Variants in FLOT2 observed in about 807,000 individuals in gnomAD.
The protein encoded by FLOT2 is flotillin 2, also known as flotillin-2.
In FLOT2, 35 loss-of-function variants were observed where a neutral mutation model predicts 54.9. The ratio of observed to expected loss-of-function variants is 0.64; its 90% CI spans 0.49 to 0.84. FLOT2 has a LOEUF of 0.84. Among genes scored for constraint, FLOT2 ranks in the 40% least tolerant of loss-of-function variants. The pLI is 0.00. For synonymous variants in FLOT2, 207 were observed against 228.9 expected (o/e 0.90, Z 0.86); for missense variants, 464 against 572.1 (o/e 0.81, Z 1.93).
chr17:28,897,176 CGTTCCCGGAACCACCA>C lies in FLOT2; in HGVS notation c.49+334_49+349del, dbSNP rs1384281478. ...GCGCTGGAATCCAGCCAAACCTCTGCGTTCCCGGAACCACCAGTTCCCTCCCTCCTGGAACCCCGCG... is the reference window on the plus strand; with the variant it reads ...GCGCTGGAATCCAGCCAAACCTCTGCGTTCCCTCCCTCCTGGAACCCCGCG... On this transcript the variant is annotated intron_variant, in intron 1 of 10. Coordinates refer to ENST00000394908, the MANE Select transcript of FLOT2 (RefSeq NM_004475.3). The surrounding 1 kb of genome is among the most constrained non-coding windows in gnomAD (Gnocchi z 4.4). 6.6e-6 allele frequency among the ~76,000 whole-genome samples: 1 copy of C among 152,258 alleles called. No individual in the cohort carries two copies. Among genetic ancestry groups the C allele is most frequent in the East Asian group, 1.9e-4 (1 of 5,190 alleles).
chr17:28,880,353 G>A lies in FLOT2; in HGVS notation c.*208C>T, dbSNP rs1172077903. 2 of 1,413,688 alleles carry A rather than the reference G, an allele frequency of 1.4e-6. No individual in the cohort carries two copies. The highest frequency in any genetic ancestry group is 1.8e-6 in the Non-Finnish European group (2 of 1,085,496). 87.6% of individuals were successfully genotyped at this position (1,413,688 alleles called of 1,614,324 possible). On this transcript the variant is annotated 3_prime_UTR_variant, in exon 11 of 11. Transcript: ENST00000394908. ...AGACACAAACCTGATGAAAGTGGCA[G>A]TGAAAGTGGGGTAAAGGAGAGGAAG...
chr17:28,887,347 C>T (rs925867970), intron 2 of FLOT2, among the ~76,000 whole-genome samples: 5 of 152,160 alleles, frequency 3.3e-5, no homozygotes, highest in African/African-American at 9.7e-5. Context: ...AGGCGTCCCC[C>T]AAGCAGGCTA....
At chr17:28,887,031 G>A (rs1567933393) in intron 2 of FLOT2, among the ~76,000 whole-genome samples, 3 of 151,994 alleles carry the variant, frequency 2.0e-5, no homozygotes, top group African/African-American at 7.3e-5. Context: ...AGGGAGGGAG[G>A]AAGGGTAGTG....
At chr17:28,894,064 A>T (rs1299406266) in intron 1 of FLOT2, among the ~76,000 whole-genome samples, 2 of 152,304 alleles carry the variant, frequency 1.3e-5, no homozygotes, top group East Asian at 3.9e-4. Context: ...GTCCTGTTAC[A>T]TCACTATGTT....
chr17:28,895,552 C>T (rs1422978773), intron 1 of FLOT2, among the ~76,000 whole-genome samples: 3 of 152,050 alleles, frequency 2.0e-5, no homozygotes, highest in Non-Finnish European at 4.4e-5. Context: ...CATGAGCCAC[C>T]GTGCCCGGCC....
rs1327304097 is a variant in FLOT2 at position 28,883,234 on chromosome 17, G to A, written c.223-3C>T. 2 of 1,613,942 alleles carry A rather than the reference G, an allele frequency of 1.2e-6. No individual in the cohort carries two copies. Among genetic ancestry groups the A allele is most frequent in the African/African-American group, 1.3e-5 (1 of 74,910 alleles). On this transcript the variant is annotated splice_region_variant and splice_polypyrimidine_tract_variant and intron_variant, in intron 3 of 10. Transcript: ENST00000394908. This position sits in a 1 kb window ranked among gnomAD's most constrained non-coding sequence, Gnocchi z 5.0. ...TCCTTCTCCGTCATGATCTTCACCT[G>A]TCAGTGACGACAAAGGCGCTTCAGC...
At chr17:28,885,648 T>C in intron 2 of FLOT2, 1 of 717,502 alleles carries the variant, frequency 1.4e-6, no homozygotes, top group East Asian at 2.7e-5. Context: ...TCCCTTGCTG[T>C]TTCCCCACTT....
intron 2 of FLOT2, chr17:28,885,782 G>T: frequency 1.0e-6 from 1 of 956,466 alleles, no homozygotes; most frequent in Non-Finnish European, 1.7e-6. Flanking sequence ...GAGTCCATCG[G>T]CTCCTGTCTG....
At chr17:28,891,302 C>T (rs1355097130) in intron 1 of FLOT2, among the ~76,000 whole-genome samples, 1 of 152,180 alleles carries the variant, frequency 6.6e-6, no homozygotes, top group Non-Finnish European at 1.5e-5. Context: ...GGGTTAGTGT[C>T]TCTGAGGACT....
At chr17:28,885,987 A>G in intron 2 of FLOT2, 1 of 1,304,796 alleles carries the variant, frequency 7.7e-7, no homozygotes, top group Non-Finnish European at 1.1e-6. Context: ...TAGGGACAGG[A>G]AGGGAAGGAG....
intron 9 of FLOT2, 69 bp from the exon 10 acceptor site, chr17:28,880,931 T>C: frequency 6.4e-7 from 1 of 1,556,716 alleles, no homozygotes. Flanking sequence ...CCAGCATCTC[T>C]CCCTCCCTTC....
In FLOT2 at chr17:28,897,633, C is replaced by T. The variant is rs554969307; in HGVS notation, c.-59G>A. The stretch of plus-strand genomic sequence containing the variant: ...ACAGACCCGGACAACAGCAGCGGGT[C>T]TGCAGCGCCGGCCGCGCCCAGCCTA... On this transcript the variant is annotated 5_prime_UTR_variant, in exon 1 of 11. Transcript: ENST00000394908. This position sits in a 1 kb window ranked among gnomAD's most constrained non-coding sequence, Gnocchi z 4.4. 21 of 1,401,244 alleles carry T rather than the reference C, an allele frequency of 1.5e-5. No individual in the cohort carries two copies. The South Asian group carries it at 3.1e-4, about 21-fold the overall frequency. 86.8% of individuals were successfully genotyped at this position (1,401,244 alleles called of 1,614,324 possible).
At chr17:28,895,873 G>A (rs1481589138) in intron 1 of FLOT2, among the ~76,000 whole-genome samples, 2 of 152,188 alleles carry the variant, frequency 1.3e-5, no homozygotes, top group Non-Finnish European at 1.5e-5. Context: ...TCCTCCTTCT[G>A]AAACTGGGCT....
rs2039434956 is a variant in FLOT2, at chr17:28,880,833, G to A, written c.1128C>T (p.Thr376=). Residue 376 remains threonine (T), a synonymous_variant, in exon 10 of 11, where the codon ACC becomes ACT. Transcript: ENST00000394908. The part of the protein sequence containing the change: ...QIAAKIAAPL[T]KVDEIVVLSG... ...TGAGGACCACAATCTCATCGACCTT[G>A]GTAAGTGGGGCAGCGATTTTGGCAG... 6.2e-7 allele frequency: 1 copy of A among 1,614,134 alleles called. No homozygotes were observed.
Position 28,897,533 on chromosome 17 carries a change from C to T in FLOT2, c.42G>A (p.Val14=). 1 of 1,606,576 alleles carries T rather than the reference C, an allele frequency of 6.2e-7. No homozygotes were observed. The highest frequency in any genetic ancestry group is 8.5e-7 in the Non-Finnish European group (1 of 1,176,816). Residue 14 remains valine (V), a synonymous_variant, in exon 1 of 11, where the codon GTG becomes GTA. Transcript: ENST00000394908. This position sits in a 1 kb window ranked among gnomAD's most constrained non-coding sequence, Gnocchi z 4.4. ...TCCTCGCCGCCCCCTCACCTGAAAC[C>T]ACCAGCGCCTCGTTGGGCCCCACCG... ...CHTVGPNEAL[V]VSGGCCGSDY...
intron 2 of FLOT2, among the ~76,000 whole-genome samples, chr17:28,886,629 C>T (rs2039551367): frequency 6.6e-6 from 1 of 152,166 alleles, no homozygotes; most frequent in Non-Finnish European, 1.5e-5. Context: ...AAACAAGGTG[C>T]CTCGAAGCTC....
rs558099086 is a variant in FLOT2 at position 28,881,524 on chromosome 17, G to C, written c.915-149C>G. On this transcript the variant is annotated intron_variant, in intron 8 of 10. Coordinates refer to ENST00000394908, the MANE Select transcript of FLOT2 (RefSeq NM_004475.3). ...CGGAGTGGGGTGGCCTGACCTTCCG[G>C]CTCTGGCCAGGGAAAGGCCACCGGC... is the stretch of plus-strand genomic sequence containing the variant. 4 of 853,538 alleles carry C rather than the reference G, an allele frequency of 4.7e-6. No individual in the cohort carries two copies. The South Asian group carries it at 6.8e-5, about 14-fold the overall frequency. The allele number at this position is 853,538 out of a possible 1,614,324, so 52.9% of individuals were successfully genotyped here. A position where few individuals can be genotyped will look rare whatever the true frequency, so the allele number is the denominator to read the frequency against.
chr17:28,882,843 G>T lies in FLOT2; in HGVS notation c.347-152C>A. The T allele has an allele frequency of 1.5e-6, 1 of 662,426 alleles. No homozygotes were observed. Among genetic ancestry groups the T allele is most frequent in the Non-Finnish European group, 2.6e-6 (1 of 379,908 alleles). 41.0% of individuals were successfully genotyped at this position (662,426 alleles called of 1,614,324 possible). A position where few individuals can be genotyped will look rare whatever the true frequency, so the allele number is the denominator to read the frequency against. Reference sequence around the variant, plus strand: ...TCTTCTCAACAGCACTTAACACCGAGCTTCCTGCTGCACAGTCCAGGCTGA... The same window carrying T: ...TCTTCTCAACAGCACTTAACACCGATCTTCCTGCTGCACAGTCCAGGCTGA... On this transcript the variant is annotated intron_variant, in intron 4 of 10. Transcript: ENST00000394908. The surrounding 1 kb of genome is among the most constrained non-coding windows in gnomAD (Gnocchi z 5.6).
At chr17:28,889,051 A>G in intron 1 of FLOT2, 25 bp from the exon 2 acceptor site, 1 of 1,606,364 alleles carries the variant, frequency 6.2e-7, no homozygotes, top group Non-Finnish European at 8.5e-7. Flanking sequence ...AAACCACCGC[A>G]AGTCAGTCGG....
Sources: allele counts gnomAD v4.1 joint callset (sites outside exome capture counted in the v4.1 genomes callset), GRCh38; gene constraint gnomAD v4.1.1; non-coding constraint Gnocchi (gnomAD v3.1); transcripts MANE v1.5; gene names NCBI Gene and HGNC (gene_info 2026-07-23, HGNC 2026-07-21).